The following CCDC191 variants were observed in gnomAD, a reference collection of about 807,000 sequenced individuals.
The protein encoded by CCDC191 is coiled-coil domain-containing protein 191.
Under a neutral mutation model 114.0 loss-of-function variants are expected in CCDC191, and 99 were observed. The ratio of observed to expected loss-of-function variants is 0.87; its 90% CI spans 0.74 to 1.03. CCDC191 has a LOEUF of 1.03. CCDC191 is among the 50% of genes least tolerant of loss of function. The probability of loss-of-function intolerance (pLI) is 0.00; values close to 1 mark genes in which losing one functional copy is unlikely to be tolerated. For synonymous variants in CCDC191, 351 were observed against 376.0 expected (o/e 0.93, Z 0.77); for missense variants, 973 against 1,087.0 (o/e 0.90, Z 1.47).
intron 14 of CCDC191, 45 bp downstream of exon 14, chr3:113,980,605 A>G (rs2075113591): frequency 1.3e-6 from 2 of 1,515,712 alleles, no homozygotes; most frequent in East Asian, 2.5e-5. Flanking sequence ...TCCTATTTGG[A>G]AAAGTCCATT....
At position 114,034,923 on chromosome 3, in the gene CCDC191, A is replaced by G; in HGVS notation, c.818+2T>C. On this transcript the variant is annotated splice_donor_variant, in intron 6 of 16. Transcript: ENST00000295878. LOFTEE classifies it high-confidence loss of function. Reference sequence around the variant, plus strand: ...CCCACAGTGCTTATCACACTGGCTTACATTTTCCATGCTGCTTTCACAGTG... The same window carrying G: ...CCCACAGTGCTTATCACACTGGCTTGCATTTTCCATGCTGCTTTCACAGTG... The G allele has an allele frequency of 6.2e-7, 1 of 1,613,378 alleles. No individual in the cohort carries two copies. The highest frequency in any genetic ancestry group is 1.1e-5 in the South Asian group (1 of 91,034).
chr3:114,006,587 GATATAT>G (rs67264886), intron 9 of CCDC191, among the ~76,000 whole-genome samples: 70 of 82,620 alleles, frequency 8.5e-4, no homozygotes, highest in African/African-American at 9.1e-4. Context: ...GGTTACTCCA[GATATAT>G]ATATATATAT....
intron 4 of CCDC191, among the ~76,000 whole-genome samples, chr3:114,042,411 G>A (rs907135835): frequency 2.0e-5 from 3 of 152,166 alleles, no homozygotes; most frequent in African/African-American, 7.2e-5. Context: ...CACAAGACTA[G>A]AACATCTGAG....
chr3:114,002,853 A>G, intron 11 of CCDC191: 1 of 975,372 alleles, frequency 1.0e-6, no homozygotes, highest in Non-Finnish European at 1.2e-6. Flanking sequence ...TGAAACCCAG[A>G]AACCAGAATT....
chr3:113,990,394 A>G (rs1388766071), intron 13 of CCDC191, among the ~76,000 whole-genome samples: 1 of 152,084 alleles, frequency 6.6e-6, no homozygotes, highest in Non-Finnish European at 1.5e-5. Context: ...TCAAGAAGAA[A>G]AAAAGAACTG....
At chr3:114,048,409 G>A (rs2076658672) in intron 2 of CCDC191, among the ~76,000 whole-genome samples, 1 of 152,134 alleles carries the variant, frequency 6.6e-6, no homozygotes, top group South Asian at 2.1e-4. Context: ...CTTATAATGC[G>A]CTTCCAGGTC....
chr3:113,965,420 G>A, intron 16 of CCDC191, 61 bp from the exon 17 acceptor site: 1 of 916,864 alleles, frequency 1.1e-6, no homozygotes, highest in South Asian at 1.7e-5. Flanking sequence ...TCCATCTATA[G>A]CACATTAAGA....
Position 114,004,732 on chromosome 3 carries a change from G to A in CCDC191, c.1883C>T (p.Ser628Phe), listed in dbSNP as rs766344497. ...CQMLVNSPVA[S>F]PGTEGRSDSR... ...GTCACTTCTGCCTTCAGTCCCAGGG[G>A]AAGCAACAGGTGAACTAGGGAAAAA... The change falls in exon 11 of 17, where the codon TCC (serine) becomes TTC (phenylalanine). Residue 628 changes from serine to phenylalanine, a missense_variant. Coordinates refer to ENST00000295878, the MANE Select transcript of CCDC191 (RefSeq NM_020817.2). The A allele has an allele frequency of 6.2e-7, 1 of 1,609,548 alleles. No individual in the cohort carries two copies. The highest frequency in any genetic ancestry group is 1.7e-5 in the Admixed American group (1 of 58,962).
At chr3:113,991,230 C>CAA (rs375843277) in intron 13 of CCDC191, among the ~76,000 whole-genome samples, 12 of 82,590 alleles carry the variant, frequency 1.5e-4, no homozygotes, top group East Asian at 3.7e-4. Flanking sequence ...AGTGAGACTC[C>CAA]AAAAAAAAAA....
intron 11 of CCDC191, 192 bp from the exon 12 acceptor site, chr3:114,002,730 T>C (rs898830974): frequency 7.6e-6 from 7 of 921,504 alleles, no homozygotes; most frequent in Non-Finnish European, 9.1e-6. Context: ...TAAAGACCTA[T>C]TATCCCATCC....
intron 6 of CCDC191, among the ~76,000 whole-genome samples, chr3:114,032,450 C>A (rs946736603): frequency 6.6e-6 from 1 of 152,134 alleles, no homozygotes; most frequent in African/African-American, 2.4e-5. Context: ...ATAGCTATGG[C>A]CTTCCTACTG....
At chr3:114,009,147 A>G (rs1175400374) in intron 9 of CCDC191, among the ~76,000 whole-genome samples, 1 of 152,156 alleles carries the variant, frequency 6.6e-6, no homozygotes, top group Non-Finnish European at 1.5e-5. Context: ...GCAGGACTGG[A>G]AGTTGCTCTA....
At chr3:114,051,656 A>G (rs1440289214) in intron 2 of CCDC191, among the ~76,000 whole-genome samples, 1 of 152,144 alleles carries the variant, frequency 6.6e-6, no homozygotes, top group Non-Finnish European at 1.5e-5. Flanking sequence ...TTCTGAAGAG[A>G]GGCCTTTCTC....
chr3:114,054,385 C>T (rs987422509), intron 1 of CCDC191, among the ~76,000 whole-genome samples: 1 of 152,094 alleles, frequency 6.6e-6, no homozygotes, highest in Non-Finnish European at 1.5e-5. Flanking sequence ...GTAATCCCAG[C>T]ACTTTGGGAG....
chr3:113,981,630 C>T (rs1292329307), intron 13 of CCDC191, among the ~76,000 whole-genome samples: 1 of 152,168 alleles, frequency 6.6e-6, no homozygotes, highest in Non-Finnish European at 1.5e-5. Flanking sequence ...AGCTGATTTC[C>T]TTTACTTCAT....
Position 113,965,199 on chromosome 3 carries a change from A to ATAC in CCDC191, c.2766_2767insGTA (p.Gln922_Ser923insVal). ...GTCTTACTCAAGGACCAAGTATCTGATTGCTGATATAGCTCGTGGTACCTT... is the reference window on the plus strand; with the variant it reads ...GTCTTACTCAAGGACCAAGTATCTGATACTTGCTGATATAGCTCGTGGTACCTT... On this transcript the variant is annotated inframe_insertion, in exon 17 of 17. Coordinates refer to ENST00000295878, the MANE Select transcript of CCDC191 (RefSeq NM_020817.2). 4.3e-6 allele frequency: 7 copies of ATAC among 1,610,496 alleles called. No homozygotes were observed. The highest frequency in any genetic ancestry group is 5.9e-6 in the Non-Finnish European group (7 of 1,178,566).
rs2075115824 is a variant in CCDC191 at position 113,980,661 on chromosome 3, G to T, written c.2296C>A (p.Gln766Lys). Reference protein sequence around the residue: ...PWKRLRMQSKQNIQVAEEHYS... With the variant: ...PWKRLRMQSKKNIQVAEEHYS... ...GTGGGACAGTGTACCTGGATGTTTT[G>T]TTTGCTTTGCATTCTCAATCTCTTC... The change falls in exon 14 of 17, where the codon CAA becomes AAA. Residue 766 changes from glutamine to lysine, a missense_variant. Gln to Lys is a moderately conservative substitution (Grantham distance 53, BLOSUM62 1). Coordinates refer to ENST00000295878, the MANE Select transcript of CCDC191 (RefSeq NM_020817.2). 2 of 1,588,518 alleles carry T rather than the reference G, an allele frequency of 1.3e-6. No individual in the cohort carries two copies. Among genetic ancestry groups the T allele is most frequent in the Non-Finnish European group, 1.7e-6 (2 of 1,173,068 alleles).
rs1475001350 is a variant in CCDC191 at position 113,980,694 on chromosome 3, C to G, written c.2263G>C (p.Glu755Gln). 9.9e-6 allele frequency: 16 copies of G among 1,608,718 alleles called. No individual in the cohort carries two copies. Among genetic ancestry groups the G allele is most frequent in the Non-Finnish European group, 1.3e-5 (15 of 1,178,584 alleles). Reference sequence around the variant, plus strand: ...TGCATTCTCAATCTCTTCCAAGGCTCTAGACCTTTTTTCCTTAGCAAGACC... The same window carrying G: ...TGCATTCTCAATCTCTTCCAAGGCTGTAGACCTTTTTTCCTTAGCAAGACC... ...ERVLLRKKGL[E>Q]PWKRLRMQSK... is the part of the protein sequence containing the mutation. The change falls in exon 14 of 17, where the codon GAG becomes CAG. Residue 755 changes from glutamate to glutamine, a missense_variant. By Grantham distance (29) the Glu-to-Gln change is conservative (BLOSUM62 2). Coordinates refer to ENST00000295878, the MANE Select transcript of CCDC191 (RefSeq NM_020817.2).
In CCDC191 at chr3:114,004,655, G is replaced by A; in HGVS notation, c.1960C>T (p.Pro654Ser). Residue 654 changes from proline to serine, a missense_variant, in exon 11 of 17, where the codon CCG becomes TCG. Coordinates refer to ENST00000295878, the MANE Select transcript of CCDC191 (RefSeq NM_020817.2). Reference sequence around the variant, plus strand: ...GCCCTGCCTTTTAGTATGGGATGCGGTGTCATCAATTGCTTTGGTTTCCTT... The same window carrying A: ...GCCCTGCCTTTTAGTATGGGATGCGATGTCATCAATTGCTTTGGTTTCCTT... The part of the protein sequence containing the change: ...LRRKPKQLMT[P>S]HPILKAMEER... 1 of 1,612,492 alleles carries A rather than the reference G, an allele frequency of 6.2e-7. No homozygotes were observed. Among genetic ancestry groups the A allele is most frequent in the South Asian group, 1.1e-5 (1 of 91,010 alleles).
Sources: allele counts gnomAD v4.1 joint callset (sites outside exome capture counted in the v4.1 genomes callset), GRCh38; gene constraint gnomAD v4.1.1; transcripts MANE v1.5; gene names NCBI Gene and HGNC (gene_info 2026-07-23, HGNC 2026-07-21).